DBI: variants seen among roughly 807,000 people sequenced by gnomAD.
DBI encodes diazepam binding inhibitor, acyl-CoA binding protein.
In DBI, 12 loss-of-function variants were observed where a neutral mutation model predicts 13.0. The ratio of observed to expected loss-of-function variants is 0.92; its 90% CI spans 0.59 to 1.49. The LOEUF is 1.49. Ranked by LOEUF, DBI falls within the 40% of genes most tolerant of loss-of-function variation. DBI has a pLI of 0.00. For missense variants in DBI, 95 were observed against 104.8 expected (o/e 0.91, Z 0.41); for synonymous variants, 37 against 37.4 (o/e 0.99, Z 0.04).
chr2:119,367,023 C>T lies in DBI; in HGVS notation c.-29C>T. 5 of 1,614,022 alleles carry T rather than the reference C, an allele frequency of 3.1e-6. No homozygotes were observed. Among genetic ancestry groups the T allele is most frequent in the Non-Finnish European group, 4.2e-6 (5 of 1,179,976 alleles). ...TCCTGGTCCTCGCCTCCTCCGCTGT[C>T]TCCCTGGAGTTCTTGCAAGTCGGCC... On this transcript the variant is annotated 5_prime_UTR_variant, in exon 1 of 4. Transcript: ENST00000355857.
At chr2:119,367,171 G>C (rs571219127) in intron 1 of DBI, 111 bp downstream of exon 1, 5 of 1,539,994 alleles carry the variant, frequency 3.2e-6, no homozygotes, top group Middle Eastern at 2.0e-4. Flanking sequence ...CCCCTCACTT[G>C]CTCATGGGCC....
chr2:119,368,015 TG>T (rs1488169071), intron 1 of DBI, 172 bp from the exon 2 acceptor site: 1 of 1,598,732 alleles, frequency 6.3e-7, no homozygotes, highest in Non-Finnish European at 8.6e-7. Context: ...TCTTTCTAGC[TG>T]CCCTGTTGGG....
rs947192618 is a variant in DBI, at chr2:119,368,044, C to A, written c.10-144C>A. The A allele has an allele frequency of 3.2e-6, 5 of 1,546,470 alleles. No individual in the cohort carries two copies. In the African/African-American group the frequency reaches 6.8e-5, roughly 21 times the overall value. ...CTGTTGGGGCAGGGAGGGGCAGACACACTTCAGGGGCTGCATTGCCCGAAG... is the reference window on the plus strand; with the variant it reads ...CTGTTGGGGCAGGGAGGGGCAGACAAACTTCAGGGGCTGCATTGCCCGAAG... On this transcript the variant is annotated intron_variant, in intron 1 of 3. Coordinates refer to ENST00000355857, the MANE Select transcript of DBI (RefSeq NM_001079862.4).
In DBI at chr2:119,368,307, T is replaced by TATGCAG. The variant is rs1230401229; in HGVS notation, c.127+4_127+9dup. The TATGCAG allele has an allele frequency of 4.4e-6, 7 of 1,608,988 alleles. No homozygotes were observed. The highest frequency in any genetic ancestry group is 6.0e-6 in the Non-Finnish European group (7 of 1,175,364). On this transcript the variant is annotated splice_region_variant and intron_variant, in intron 2 of 3. Coordinates refer to ENST00000355857, the MANE Select transcript of DBI (RefSeq NM_001079862.4). ...CAACTGTGGGCGACATAAATACAGG[T>TATGCAG]ATGCAGAGCGGGGGTTGGAAGGGCA... is the stretch of plus-strand genomic sequence containing the variant.
rs756426832 is a variant in DBI at position 119,372,344 on chromosome 2, T to C, written c.*26T>C. ...GAGACTGGATTTGGTTACTGTGCCA[T>C]GTGTTTATCCTAAACTGAGACAATG... On this transcript the variant is annotated 3_prime_UTR_variant, in exon 4 of 4. Coordinates refer to ENST00000355857, the MANE Select transcript of DBI (RefSeq NM_001079862.4). 7 of 1,556,964 alleles carry C rather than the reference T, an allele frequency of 4.5e-6. No individual in the cohort carries two copies. The highest frequency in any genetic ancestry group is 2.7e-5 in the African/African-American group (2 of 73,842).
intron 1 of DBI, 150 bp from the exon 2 acceptor site, chr2:119,368,037 GC>G: frequency 6.4e-7 from 1 of 1,555,352 alleles, no homozygotes; most frequent in Non-Finnish European, 8.9e-7. Flanking sequence ...GCAGGGAGGG[GC>G]AGACACACTT....
In DBI at chr2:119,367,004, T is replaced by A; in HGVS notation, c.-48T>A. 1 of 1,613,112 alleles carries A rather than the reference T, an allele frequency of 6.2e-7. No individual in the cohort carries two copies. On this transcript the variant is annotated 5_prime_UTR_variant, in exon 1 of 4. Transcript: ENST00000355857. ...TGCAATCTGGGCGATCGCTTCCTGG[T>A]CCTCGCCTCCTCCGCTGTCTCCCTG... is the stretch of plus-strand genomic sequence containing the variant.
rs192882384 is a variant in DBI, at chr2:119,371,429, C to T, written c.190+627C>T. On this transcript the variant is annotated intron_variant, in intron 3 of 3. Transcript: ENST00000355857. Reference sequence around the variant, plus strand: ...TCTGAATAAGCCCTCTGTCCTTCTGCGAATGAGAAACCCTTGAATTCAGAA... The same window carrying T: ...TCTGAATAAGCCCTCTGTCCTTCTGTGAATGAGAAACCCTTGAATTCAGAA... 2.8e-3 allele frequency among the ~76,000 whole-genome samples: 429 copies of T among 152,270 alleles called. 2 individuals carry two copies. The highest frequency in any genetic ancestry group is 9.6e-3 in the African/African-American group (398 of 41,544).
intron 1 of DBI, chr2:119,367,678 G>T (rs750506531): frequency 1.2e-6 from 2 of 1,613,216 alleles, no homozygotes; most frequent in South Asian, 1.1e-5. Context: ...CAGGGGGAGG[G>T]AGGGGACCAA....
Position 119,372,365 on chromosome 2 carries a change from C to A in DBI, c.*47C>A. 2 of 1,430,918 alleles carry A rather than the reference C, an allele frequency of 1.4e-6. No homozygotes were observed. Among genetic ancestry groups the A allele is most frequent in the Middle Eastern group, 1.8e-4 (1 of 5,652 alleles). The allele number at this position is 1,430,918 out of a possible 1,614,324, so 88.6% of individuals were successfully genotyped here. On this transcript the variant is annotated 3_prime_UTR_variant, in exon 4 of 4. Coordinates refer to ENST00000355857, the MANE Select transcript of DBI (RefSeq NM_001079862.4). ...GCCATGTGTTTATCCTAAACTGAGA[C>A]AATGCCTTGTTTTTTTCTAATACCG... is the stretch of plus-strand genomic sequence containing the variant.
intron 3 of DBI, 150 bp from the exon 4 acceptor site, chr2:119,372,095 A>T: frequency 1.6e-6 from 1 of 620,350 alleles, no homozygotes; most frequent in Non-Finnish European, 2.9e-6. Context: ...GGTTCTGTGG[A>T]TACTGTCTCC....
chr2:119,372,002 G>A lies in DBI; in HGVS notation c.191-243G>A, dbSNP rs184412465. Among the ~76,000 whole-genome samples, 194 of 152,358 alleles carry A rather than the reference G, an allele frequency of 1.3e-3. 1 individual carries two copies. The highest frequency in any genetic ancestry group is 1.7e-3 in the Non-Finnish European group (118 of 68,038). On this transcript the variant is annotated intron_variant, in intron 3 of 3. Transcript: ENST00000355857. Reference sequence around the variant, plus strand: ...CCCAGGACAGGTGGGGGACGCAGGTGTCCAGCAGATGGGCGACAGATCTTG... The same window carrying A: ...CCCAGGACAGGTGGGGGACGCAGGTATCCAGCAGATGGGCGACAGATCTTG...
chr2:119,372,187 G>A lies in DBI; in HGVS notation c.191-58G>A, dbSNP rs567360937. On this transcript the variant is annotated intron_variant, in intron 3 of 3. Transcript: ENST00000355857. ...AGCAGAGCTGCCTGGGGCTCTGGAG[G>A]CTGCTTGTTTCCTACCATGCTACCT... 9 of 1,320,314 alleles carry A rather than the reference G, an allele frequency of 6.8e-6. No homozygotes were observed. In the East Asian group the frequency reaches 1.6e-4, roughly 24 times the overall value. 81.8% of individuals were successfully genotyped at this position (1,320,314 alleles called of 1,614,324 possible).
intron 1 of DBI, 118 bp from the exon 2 acceptor site, chr2:119,368,070 G>A (rs1215381962): frequency 2.0e-6 from 3 of 1,500,062 alleles, no homozygotes; most frequent in South Asian, 1.1e-5. Flanking sequence ...TTGCCCGAAG[G>A]GTGCCACCTT....
chr2:119,372,108 T>C (rs1681558836), intron 3 of DBI, 137 bp from the exon 4 acceptor site: 1 of 658,516 alleles, frequency 1.5e-6, no homozygotes, highest in Non-Finnish European at 2.7e-6. Context: ...CTGTCTCCTG[T>C]AATTAGTAGA....
rs3209863 is a variant in DBI, at chr2:119,367,046, G to T, written c.-6G>T. The T allele has an allele frequency of 6.2e-7, 1 of 1,614,092 alleles. No homozygotes were observed. Among genetic ancestry groups the T allele is most frequent in the South Asian group, 1.1e-5 (1 of 91,074 alleles). On this transcript the variant is annotated 5_prime_UTR_variant, in exon 1 of 4. Transcript: ENST00000355857. ...GTCTCCCTGGAGTTCTTGCAAGTCG[G>T]CCAGGATGTCTCAGGTACAGCGCGT... is the stretch of plus-strand genomic sequence containing the variant.
At chr2:119,368,434 G>A in intron 2 of DBI, 129 bp downstream of exon 2, 1 of 698,668 alleles carries the variant, frequency 1.4e-6, no homozygotes, top group Non-Finnish European at 2.6e-6. Flanking sequence ...TATGGTGATG[G>A]TTCCTGAGGT....
At position 119,368,189 on chromosome 2, in the gene DBI, C is replaced by T. The variant is rs1681213858; in HGVS notation, c.11C>T (p.Ala4Val). Residue 4 changes from alanine to valine, a missense_variant and splice_region_variant, in exon 2 of 4, where the codon GCT becomes GTT. Coordinates refer to ENST00000355857, the MANE Select transcript of DBI (RefSeq NM_001079862.4). Reference sequence around the variant, plus strand: ...TCCTCTCCTCTCCCTTCCATTTAGGCTGAGTTTGAGAAAGCTGCAGAGGAG... The same window carrying T: ...TCCTCTCCTCTCCCTTCCATTTAGGTTGAGTTTGAGAAAGCTGCAGAGGAG... The part of the protein sequence containing the change: MSQ[A>V]EFEKAAEEVR... The T allele has an allele frequency of 1.9e-6, 3 of 1,613,014 alleles. No individual in the cohort carries two copies. The highest frequency in any genetic ancestry group is 2.5e-6 in the Non-Finnish European group (3 of 1,179,592).
At chr2:119,367,477 C>A in intron 1 of DBI, 1 of 1,592,144 alleles carries the variant, frequency 6.3e-7, no homozygotes, top group Non-Finnish European at 8.6e-7. Context: ...AGGGGAAGTA[C>A]GGGGCCGGCT....
Sources: gnomAD v4.1 joint callset for allele counts (sites outside exome capture counted in the v4.1 genomes callset) on GRCh38, gnomAD v4.1.1 for gene constraint, MANE v1.5 for transcripts, NCBI Gene and HGNC (gene_info 2026-07-23, HGNC 2026-07-21) for gene names.